Variants in GATB observed in about 807,000 individuals in gnomAD.
The protein encoded by GATB is glutamyl-tRNA amidotransferase subunit B.
In GATB, 39 loss-of-function variants were observed where a neutral mutation model predicts 62.3. That is an observed-to-expected ratio of 0.63 (90% CI 0.48 to 0.82). The LOEUF (loss-of-function observed/expected upper bound fraction) is 0.82. Among genes scored for constraint, GATB ranks in the 40% least tolerant of loss-of-function variants. GATB has a pLI of 0.00. For synonymous variants in GATB, 276 were observed against 258.9 expected, an observed-to-expected ratio of 1.07 and a Z score of -0.63; for missense variants, 670 against 684.0, an observed-to-expected ratio of 0.98 and a Z score of 0.23.
At chr4:151,699,279 C>T (rs1245283931) in intron 9 of GATB, among the ~76,000 whole-genome samples, 1 of 151,582 alleles carries the variant, frequency 6.6e-6, no homozygotes, top group Non-Finnish European at 1.5e-5. Flanking sequence ...ATCCCAGCTA[C>T]TCGGGAGGCT....
At chr4:151,711,487 C>T (rs1463126544) in intron 5 of GATB, among the ~76,000 whole-genome samples, 1 of 152,172 alleles carries the variant, frequency 6.6e-6, no homozygotes, top group Admixed American at 6.5e-5. Context: ...CTAGCTCTTT[C>T]TCACCTCAGG....
At chr4:151,744,680 G>C (rs1345517842) in intron 2 of GATB, among the ~76,000 whole-genome samples, 1 of 152,196 alleles carries the variant, frequency 6.6e-6, no homozygotes, top group African/African-American at 2.4e-5. Flanking sequence ...GAGAGGTAGG[G>C]AAGTGAAAAT....
At chr4:151,690,682 A>C (rs942886785) in intron 9 of GATB, among the ~76,000 whole-genome samples, 10 of 152,224 alleles carry the variant, frequency 6.6e-5, no homozygotes, top group Admixed American at 3.3e-4. Context: ...GACGTGATGC[A>C]TATCTATTCC....
At position 151,688,853 on chromosome 4, in the gene GATB, G is replaced by C. The variant is rs1467356664; in HGVS notation, c.1198-90C>G. ...AGGCAAATCTGAAACTGTCCCCTCT[G>C]CCTCCTCTGAGACAGCCACTTTTTC... is the stretch of plus-strand genomic sequence containing the variant. On this transcript the variant is annotated intron_variant, in intron 9 of 12. Coordinates refer to ENST00000263985, the MANE Select transcript of GATB (RefSeq NM_004564.3). 4.6e-6 allele frequency: 6 copies of C among 1,308,132 alleles called. 1 individual carries two copies. The highest frequency in any genetic ancestry group is 6.3e-6 in the Non-Finnish European group (6 of 954,796). 81.0% of individuals were successfully genotyped at this position (1,308,132 alleles called of 1,614,324 possible).
chr4:151,721,575 T>C (rs1739033543), intron 2 of GATB: 1 of 152,398 alleles, frequency 6.6e-6, no homozygotes, highest in Non-Finnish European at 1.5e-5. Flanking sequence ...ACACAGAACA[T>C]GAAGCTGCAG....
chr4:151,715,726 C>G (rs1404748233), intron 5 of GATB, among the ~76,000 whole-genome samples: 1 of 152,176 alleles, frequency 6.6e-6, no homozygotes, highest in Non-Finnish European at 1.5e-5. Flanking sequence ...CTGAGAAAGA[C>G]TGAACTGTTC....
chr4:151,732,256 G>A (rs1207140113), intron 2 of GATB, among the ~76,000 whole-genome samples: 11 of 152,256 alleles, frequency 7.2e-5, no homozygotes, highest in Non-Finnish European at 1.6e-4. Context: ...CCATGATGAC[G>A]ATGGCGGTTT....
rs952237872 is a variant in GATB, at chr4:151,719,482, G to A, written c.384C>T (p.Cys128=). ...CAAACAAGGACTTCTTGTTTATGTG[G>A]CAGTTCAGAGCCAGGCCTGTCATCA... is the stretch of plus-strand genomic sequence containing the variant. ...AAVMTGLALN[C]HINKKSLFDR... Residue 128 remains cysteine, a synonymous_variant, in exon 3 of 13, where the codon TGC becomes TGT. Transcript: ENST00000263985. 2 of 1,611,620 alleles carry A rather than the reference G, an allele frequency of 1.2e-6. No individual in the cohort carries two copies.
intron 10 of GATB, among the ~76,000 whole-genome samples, chr4:151,687,354 C>T (rs1738271304): frequency 6.6e-6 from 1 of 152,220 alleles, no homozygotes; most frequent in Non-Finnish European, 1.5e-5. Context: ...AAAGTTTATT[C>T]CTTTTCCTTT....
At chr4:151,760,440 C>T (rs905365874) in intron 1 of GATB, among the ~76,000 whole-genome samples, 2 of 152,194 alleles carry the variant, frequency 1.3e-5, no homozygotes, top group African/African-American at 4.8e-5. Flanking sequence ...GCTGCCAGCC[C>T]ATACTAGCGC....
intron 6 of GATB, 60 bp downstream of exon 6, chr4:151,707,928 T>C: frequency 8.7e-7 from 1 of 1,147,980 alleles, no homozygotes; most frequent in South Asian, 1.3e-5. Context: ...GGGTTGTTTG[T>C]TACCCAGCAA....
chr4:151,704,297 T>C lies in GATB; in HGVS notation c.963-402A>G, dbSNP rs77015231. 7.4e-3 allele frequency among the ~76,000 whole-genome samples: 1,129 copies of C among 152,304 alleles called. 6 individuals carry two copies. The highest frequency in any genetic ancestry group is 0.029 in the South Asian group (142 of 4,830). On this transcript the variant is annotated intron_variant, in intron 7 of 12. Transcript: ENST00000263985. ...CCTCTAGCTTCAGCTGGGAAAGATC[T>C]GATAGATTAAGGAAGTAAAAATTCT...
chr4:151,695,255 A>G (rs1738445102), intron 9 of GATB, among the ~76,000 whole-genome samples: 1 of 152,114 alleles, frequency 6.6e-6, no homozygotes, highest in Admixed American at 6.5e-5. Flanking sequence ...TAGGCTTTAG[A>G]TTCAATGAAG....
chr4:151,737,555 C>A (rs1008666159), intron 2 of GATB, among the ~76,000 whole-genome samples: 1 of 152,182 alleles, frequency 6.6e-6, no homozygotes, highest in Admixed American at 6.5e-5. Context: ...CATAAATCTG[C>A]GTAAGTAATG....
chr4:151,757,316 A>G (rs1461872185), intron 2 of GATB, among the ~76,000 whole-genome samples: 2 of 152,114 alleles, frequency 1.3e-5, no homozygotes, highest in Admixed American at 1.3e-4. Flanking sequence ...GATAAGAGAA[A>G]AGTTCCAAGA....
chr4:151,705,033 G>A (rs1738686910), intron 7 of GATB, 152 bp downstream of exon 7: 1 of 549,964 alleles, frequency 1.8e-6, no homozygotes, highest in African/African-American at 1.9e-5. Flanking sequence ...AGGCATGAAG[G>A]GTACAGTACT....
In GATB at chr4:151,698,487, T is replaced by G. The variant is rs1269853725; in HGVS notation, c.1197+2842A>C. ...CAAAGCACACCTCCACCACTGCTAT[T>G]TATTTAATGAATACTCCTGGGCGCT... is the stretch of plus-strand genomic sequence containing the variant. On this transcript the variant is annotated intron_variant, in intron 9 of 12. Transcript: ENST00000263985. Among the ~76,000 whole-genome samples the G allele has an allele frequency of 2.0e-5, 3 of 152,156 alleles. No individual in the cohort carries two copies. The South Asian group carries it at 6.2e-4, about 32-fold the overall frequency.
At chr4:151,744,450 T>C (rs1010692803) in intron 2 of GATB, among the ~76,000 whole-genome samples, 4 of 151,918 alleles carry the variant, frequency 2.6e-5, no homozygotes, top group African/African-American at 7.3e-5. Context: ...ATGAAACAAA[T>C]ACATATTGAT....
chr4:151,671,770 C>A (rs967145180), intron 12 of GATB, among the ~76,000 whole-genome samples: 16 of 152,142 alleles, frequency 1.1e-4, no homozygotes, highest in African/African-American at 3.9e-4. Context: ...AGCAGATCTA[C>A]ACACTGGCCG....
Sources: gnomAD v4.1 joint callset for allele counts (sites outside exome capture counted in the v4.1 genomes callset) on GRCh38, gnomAD v4.1.1 for gene constraint, MANE v1.5 for transcripts, NCBI Gene and HGNC (gene_info 2026-07-23, HGNC 2026-07-21) for gene names.